KLC3: variants seen among roughly 807,000 people sequenced by gnomAD.
The protein encoded by KLC3 is kinesin light chain 3.
Under a neutral mutation model 62.9 loss-of-function variants are expected in KLC3, and 72 were observed. The observed-to-expected ratio is 1.15, with a 90% confidence interval of 0.95 to 1.39. The LOEUF (loss-of-function observed/expected upper bound fraction) is 1.39. Ranked by LOEUF, KLC3 falls within the 40% of genes most tolerant of loss-of-function variation. KLC3 has a pLI of 0.00. For missense variants in KLC3, 848 were observed against 691.6 expected, an observed-to-expected ratio of 1.23 and a Z score of -2.54; for synonymous variants, 377 against 300.5, an observed-to-expected ratio of 1.25 and a Z score of -2.63.
At position 45,346,442 on chromosome 19, in the gene KLC3, ATAG is replaced by A. The variant is rs1772563670; in HGVS notation, c.259-97_259-95del. On this transcript the variant is annotated intron_variant, in intron 2 of 12. Coordinates refer to ENST00000391946, the MANE Select transcript of KLC3 (RefSeq NM_177417.3). Reference sequence around the variant, plus strand: ...TCTGCAGAATCTGGGGGTGTCGTGCATAGTAGTGGGGTGCTACGGCCTGACTCG... The same window carrying A: ...TCTGCAGAATCTGGGGGTGTCGTGCATAGTGGGGTGCTACGGCCTGACTCG... 10 of 958,926 alleles carry A rather than the reference ATAG, an allele frequency of 1.0e-5. No individual in the cohort carries two copies. In the Admixed American group the frequency reaches 2.8e-4, roughly 27 times the overall value. The allele number at this position is 958,926 out of a possible 1,614,324, so 59.4% of individuals were successfully genotyped here. A position where few individuals can be genotyped will look rare whatever the true frequency, so the allele number is the denominator to read the frequency against.
Position 45,345,775 on chromosome 19 carries a change from C to G in KLC3, c.234C>G (p.Ile78Met), listed in dbSNP as rs974260494. The G allele has an allele frequency of 6.5e-7, 1 of 1,550,170 alleles. No homozygotes were observed. The highest frequency in any genetic ancestry group is 8.7e-7 in the Non-Finnish European group (1 of 1,147,746). Residue 78 changes from isoleucine (I) to methionine (M), a missense_variant, in exon 2 of 13, where the codon ATC becomes ATG. Transcript: ENST00000391946. ...QQVVSHSLEA[I>M]ELGLGEAQVL... ...TGGTGAGCCACTCGCTGGAGGCCAT[C>G]GAGCTGGGGCTGGGCGAGGCCCAGG...
At position 45,350,505 on chromosome 19, in the gene KLC3, TC is replaced by T; in HGVS notation, c.1235-4del. ...TCCCCATCTCAGTGTCCCCCATCTTTCCCCCTAGGTGCCCCCAACACAGGCA... is the reference window on the plus strand; with the variant it reads ...TCCCCATCTCAGTGTCCCCCATCTTTCCCCTAGGTGCCCCCAACACAGGCA... On this transcript the variant is annotated splice_region_variant and splice_polypyrimidine_tract_variant and intron_variant, in intron 9 of 12. Coordinates refer to ENST00000391946, the MANE Select transcript of KLC3 (RefSeq NM_177417.3). The T allele has an allele frequency of 6.2e-7, 1 of 1,612,652 alleles. No individual in the cohort carries two copies. The highest frequency in any genetic ancestry group is 8.5e-7 in the Non-Finnish European group (1 of 1,179,518).
chr19:45,350,849 T>A, intron 11 of KLC3, 102 bp downstream of exon 11: 1 of 889,472 alleles, frequency 1.1e-6, no homozygotes. Context: ...ATGGCTCCCA[T>A]CTCCCCTGTG....
chr19:45,346,702 G>C lies in KLC3; in HGVS notation c.417G>C (p.Gln139His). Residue 139 changes from glutamine to histidine, a missense_variant, in exon 3 of 13, where the codon CAG becomes CAC. Transcript: ENST00000391946. ...RLRASEESVAQLEEEKRHLEF... is the reference protein window; with the variant it reads ...RLRASEESVAHLEEEKRHLEF... ...GGGCCAGCGAGGAGTCCGTGGCCCAGCTGGAGGAGGAGAAGCGCCACCTGG... is the reference window on the plus strand; with the variant it reads ...GGGCCAGCGAGGAGTCCGTGGCCCACCTGGAGGAGGAGAAGCGCCACCTGG... 1 of 1,575,294 alleles carries C rather than the reference G, an allele frequency of 6.3e-7. No homozygotes were observed. Among genetic ancestry groups the C allele is most frequent in the Non-Finnish European group, 8.6e-7 (1 of 1,162,018 alleles).
At chr19:45,343,808 G>A (rs534630638) in intron 1 of KLC3, among the ~76,000 whole-genome samples, 19 of 152,022 alleles carry the variant, frequency 1.2e-4, no homozygotes, top group African/African-American at 3.6e-4. Flanking sequence ...AAGTGAGTGC[G>A]TGTTCTAAGA....
rs371730515 is a variant in KLC3 at position 45,348,691 on chromosome 19, C to G, written c.825C>G (p.Ala275=). The G allele has an allele frequency of 2.1e-5, 33 of 1,597,054 alleles. No individual in the cohort carries two copies. Among genetic ancestry groups the G allele is most frequent in the Non-Finnish European group, 2.8e-5 (33 of 1,172,186 alleles). Residue 275 remains alanine (A), a synonymous_variant, in exon 6 of 13, where the codon GCC becomes GCG. Coordinates refer to ENST00000391946, the MANE Select transcript of KLC3 (RefSeq NM_177417.3). ...YKEATDLLHD[A]LQIREQTLGP... is the part of the protein sequence containing the mutation. ...AAGCCACAGACCTTCTCCATGATGC[C>G]CTGCAGATCCGGGAGCAGACGCTGG...
rs568115315 is a variant in KLC3 at position 45,344,442 on chromosome 19, C to T, written c.-8-1092C>T. Among the ~76,000 whole-genome samples, 6 of 147,858 alleles carry T rather than the reference C, an allele frequency of 4.1e-5. No individual in the cohort carries two copies. In the East Asian group the frequency reaches 6.0e-4, roughly 15 times the overall value. On this transcript the variant is annotated intron_variant, in intron 1 of 12. Coordinates refer to ENST00000391946, the MANE Select transcript of KLC3 (RefSeq NM_177417.3). ...CCCTGTTGGCCAGGCTGGTCTTGAA[C>T]TCTTGGCCTCAAGTGATTTACCCAC...
intron 8 of KLC3, 94 bp downstream of exon 8, chr19:45,349,696 T>TGGGGGGGGGTGGGGGG: frequency 1.5e-6 from 1 of 689,044 alleles, no homozygotes; most frequent in Non-Finnish European, 2.1e-6. Context: ...AACGTGAGGG[T>TGGGGGGGGGTGGGGGG]GGGGGGGGGC....
chr19:45,348,085 A>AG lies in KLC3; in HGVS notation c.706dup (p.Asp236GlyfsTer12). On this transcript the variant is annotated frameshift_variant, in exon 5 of 13. Coordinates refer to ENST00000391946, the MANE Select transcript of KLC3 (RefSeq NM_177417.3). LOFTEE classifies it high-confidence loss of function. The stretch of plus-strand genomic sequence containing the variant: ...GTGCCTCTGTGCCGCCAGGCCTTGG[A>AG]GGACCTGGAGCGCAGCTCGGGCCAC... 2 of 1,602,852 alleles carry AG rather than the reference A, an allele frequency of 1.2e-6. No individual in the cohort carries two copies. The highest frequency in any genetic ancestry group is 1.7e-6 in the Non-Finnish European group (2 of 1,175,124).
At chr19:45,343,488 A>G (rs550206608) in intron 1 of KLC3, among the ~76,000 whole-genome samples, 1 of 151,938 alleles carries the variant, frequency 6.6e-6, no homozygotes, top group East Asian at 1.9e-4. Flanking sequence ...GGCGCATACC[A>G]CCATGCCTGG....
In KLC3 at chr19:45,347,453, G is replaced by A; in HGVS notation, c.496G>A (p.Glu166Lys). ...YDPPAESQQSESPPRRDSLAS... is the reference protein window; with the variant it reads ...YDPPAESQQSKSPPRRDSLAS... ...CACTTTCCTGTCTCTGCAGCAGTCT[G>A]AGTCCCCGCCTCGCCGAGACAGCCT... is the stretch of plus-strand genomic sequence containing the variant. Residue 166 changes from glutamate to lysine, a missense_variant, in exon 4 of 13, where the codon GAG becomes AAG. Transcript: ENST00000391946. 6.2e-7 allele frequency: 1 copy of A among 1,612,010 alleles called. No individual in the cohort carries two copies.
At chr19:45,350,197 G>C (rs1056524053) in intron 8 of KLC3, 144 bp from the exon 9 acceptor site, 5 of 640,358 alleles carry the variant, frequency 7.8e-6, no homozygotes, top group Non-Finnish European at 1.3e-5. Flanking sequence ...CAAGGCAGGA[G>C]GATCACTTGA....
Position 45,348,703 on chromosome 19 carries a change from G to A in KLC3, c.837G>A (p.Arg279=), listed in dbSNP as rs1162351712. ...TTCTCCATGATGCCCTGCAGATCCG[G>A]GAGCAGACGCTGGGCCCTGAGCACC... The part of the protein sequence containing the change: ...TDLLHDALQI[R]EQTLGPEHPA... Residue 279 remains arginine, a synonymous_variant, in exon 6 of 13, where the codon CGG becomes CGA. Transcript: ENST00000391946. 5 of 1,596,228 alleles carry A rather than the reference G, an allele frequency of 3.1e-6. No individual in the cohort carries two copies. Among genetic ancestry groups the A allele is most frequent in the Middle Eastern group, 1.7e-4 (1 of 6,042 alleles).
chr19:45,346,739 C>T lies in KLC3; in HGVS notation c.454C>T (p.Gln152Ter), dbSNP rs1442051440. 1 of 1,588,340 alleles carries T rather than the reference C, an allele frequency of 6.3e-7. No individual in the cohort carries two copies. Among genetic ancestry groups the T allele is most frequent in the Non-Finnish European group, 8.6e-7 (1 of 1,168,192 alleles). Residue 152 changes from glutamine (Q) to a stop codon, truncating the protein, a stop_gained, in exon 3 of 13, where the codon CAG (glutamine) becomes TAG (stop). Transcript: ENST00000391946. LOFTEE classifies it high-confidence loss of function. ...GAAGCGCCACCTGGAGTTCCTGGGG[C>T]AGCTGCGACAGTACGACCCACCGGC... ...EEKRHLEFLG[Q>*]LRQYDPPAES...
In KLC3 at chr19:45,350,629, G is replaced by GC. The variant is rs776818817; in HGVS notation, c.1273-8dup. 2.5e-6 allele frequency: 4 copies of GC among 1,613,134 alleles called. No homozygotes were observed. Among genetic ancestry groups the GC allele is most frequent in the Non-Finnish European group, 3.4e-6 (4 of 1,179,302 alleles). ...CCTGGGGGACTGAGCAGCATCCCCGGCCCCTCCCCAGGCCCTTCGCCGCAG... is the reference window on the plus strand; with the variant it reads ...CCTGGGGGACTGAGCAGCATCCCCGGCCCCCTCCCCAGGCCCTTCGCCGCAG... On this transcript the variant is annotated splice_polypyrimidine_tract_variant and intron_variant, in intron 10 of 12. Coordinates refer to ENST00000391946, the MANE Select transcript of KLC3 (RefSeq NM_177417.3).
intron 12 of KLC3, 65 bp downstream of exon 12, chr19:45,351,082 G>A (rs1431162957): frequency 1.2e-6 from 2 of 1,613,094 alleles, no homozygotes; most frequent in Non-Finnish European, 1.7e-6. Context: ...ATGAGGCAAA[G>A]GCAGGGCGGT....
At chr19:45,345,510 A>G in intron 1 of KLC3, 24 bp from the exon 2 acceptor site, 1 of 1,554,700 alleles carries the variant, frequency 6.4e-7, no homozygotes, top group Non-Finnish European at 8.7e-7. Flanking sequence ...ATGATTCCCC[A>G]AACCCCTCAC....
chr19:45,340,866 C>T lies in KLC3; in HGVS notation c.-9+20C>T, dbSNP rs1351156846. On this transcript the variant is annotated intron_variant, in intron 1 of 12. Coordinates refer to ENST00000391946, the MANE Select transcript of KLC3 (RefSeq NM_177417.3). ...GGTCAGGTGGGTGCCGGGAGTGGGG[C>T]GCGGGACTCTCGGAGAGCCGCGATG... 2 of 152,120 alleles carry T rather than the reference C, an allele frequency of 1.3e-5. No homozygotes were observed. Among genetic ancestry groups the T allele is most frequent in the African/African-American group, 2.4e-5 (1 of 41,400 alleles). The allele number at this position is 152,120 out of a possible 1,614,324, so 9.4% of individuals were successfully genotyped here.
chr19:45,349,160 C>T (rs1304937837), intron 7 of KLC3, among the ~76,000 whole-genome samples: 2 of 152,122 alleles, frequency 1.3e-5, no homozygotes, highest in Non-Finnish European at 2.9e-5. Flanking sequence ...CTGGGTCCCC[C>T]CATAGCCTTT....
Sources: allele counts gnomAD v4.1 joint callset (sites outside exome capture counted in the v4.1 genomes callset), GRCh38; gene constraint gnomAD v4.1.1; transcripts MANE v1.5; gene names NCBI Gene and HGNC (gene_info 2026-07-23, HGNC 2026-07-21).